Variants in ALPK2 observed in about 807,000 individuals in gnomAD.
ALPK2 encodes alpha-protein kinase 2.
In ALPK2, 127 loss-of-function variants were observed where a neutral mutation model predicts 163.1. The ratio of observed to expected loss-of-function variants is 0.78; its 90% CI spans 0.67 to 0.90. The LOEUF is 0.90. ALPK2 is among the 40% of genes least tolerant of loss of function. The probability of loss-of-function intolerance (pLI) is 0.00; values close to 1 mark genes in which losing one functional copy is unlikely to be tolerated. For missense variants in ALPK2, 2,360 were observed against 2,589.6 expected, an observed-to-expected ratio of 0.91 and a Z score of 1.92; for synonymous variants, 953 against 959.1, an observed-to-expected ratio of 0.99 and a Z score of 0.12.
chr18:58,501,905 T>C (rs7234237), intron 11 of ALPK2, among the ~76,000 whole-genome samples: 57 of 152,298 alleles, frequency 3.7e-4, no homozygotes, highest in African/African-American at 1.3e-3. Context: ...GTTTTGATAA[T>C]GTACTATAGT....
chr18:58,499,203 C>T (rs936120024), intron 11 of ALPK2, among the ~76,000 whole-genome samples: 1 of 152,174 alleles, frequency 6.6e-6, no homozygotes, highest in Non-Finnish European at 1.5e-5. Flanking sequence ...GAACAGCTAC[C>T]TGAGCTTCCC....
In ALPK2 at chr18:58,537,598, A is replaced by G; in HGVS notation, c.2589T>C (p.Phe863=). The G allele has an allele frequency of 6.2e-7, 1 of 1,613,804 alleles. No homozygotes were observed. The highest frequency in any genetic ancestry group is 1.1e-5 in the South Asian group (1 of 91,072). Residue 863 remains phenylalanine, a synonymous_variant, in exon 5 of 13, where the codon TTT becomes TTC. Coordinates refer to ENST00000361673, the MANE Select transcript of ALPK2 (RefSeq NM_052947.4). ...CSSNDKTLEV[F]FQTQVSETSV... ...AAGTCTCAGACACTTGTGTCTGAAA[A>G]AAGACTTCCAGTGTCTTGTCATTAG...
chr18:58,617,956 A>G (rs532814412), intron 1 of ALPK2, among the ~76,000 whole-genome samples: 21 of 152,134 alleles, frequency 1.4e-4, no homozygotes, highest in Non-Finnish European at 3.1e-4. Context: ...ACATCCTAGT[A>G]CATGCTTCCT....
chr18:58,537,430 G>T lies in ALPK2; in HGVS notation c.2757C>A (p.Tyr919Ter). The change falls in exon 5 of 13, where the codon TAC becomes TAA. Residue 919 changes from tyrosine (Y) to a stop codon, truncating the protein, a stop_gained. Transcript: ENST00000361673. LOFTEE classifies it high-confidence loss of function. Reference sequence around the variant, plus strand: ...CAGCATGTACTGTGGAGGCCAGTGGGTAGGTGGAATTCTCCACCTTGGCTA... The same window carrying T: ...CAGCATGTACTGTGGAGGCCAGTGGTTAGGTGGAATTCTCCACCTTGGCTA... ...ENLAKVENST[Y>*]PLASTVHAGQ... 6.2e-7 allele frequency: 1 copy of T among 1,613,382 alleles called. No homozygotes were observed. Among genetic ancestry groups the T allele is most frequent in the Non-Finnish European group, 8.5e-7 (1 of 1,179,470 alleles).
chr18:58,565,036 T>C (rs749790502), intron 4 of ALPK2, among the ~76,000 whole-genome samples: 1 of 152,208 alleles, frequency 6.6e-6, no homozygotes, highest in Non-Finnish European at 1.5e-5. Flanking sequence ...CATATACTAC[T>C]ATGGAATGGT....
Position 58,607,418 on chromosome 18 carries a change from G to C in ALPK2, c.131C>G (p.Thr44Ser), listed in dbSNP as rs2052103888. 1 of 1,612,064 alleles carries C rather than the reference G, an allele frequency of 6.2e-7. No individual in the cohort carries two copies. Among genetic ancestry groups the C allele is most frequent in the East Asian group, 2.2e-5 (1 of 44,802 alleles). ...GATGGCCTGACCATTCTTATACCAAGTTACCTCTGGCTTGGGCTGACCTGA... is the reference window on the plus strand; with the variant it reads ...GATGGCCTGACCATTCTTATACCAACTTACCTCTGGCTTGGGCTGACCTGA... ...IISGQPKPEV[T>S]WYKNGQAIDG... The change falls in exon 3 of 13, where the codon ACT (threonine) becomes AGT (serine). Residue 44 changes from threonine (T) to serine (S), a missense_variant. Coordinates refer to ENST00000361673, the MANE Select transcript of ALPK2 (RefSeq NM_052947.4).
intron 12 of ALPK2, among the ~76,000 whole-genome samples, chr18:58,497,472 T>C (rs546457724): frequency 6.6e-6 from 1 of 152,308 alleles, no homozygotes; most frequent in Non-Finnish European, 1.5e-5. Context: ...CATAGCATCA[T>C]CTGTGTGTGC....
intron 1 of ALPK2, among the ~76,000 whole-genome samples, chr18:58,622,733 A>G (rs2052208467): frequency 6.6e-6 from 1 of 152,126 alleles, no homozygotes; most frequent in African/African-American, 2.4e-5. Flanking sequence ...CATCACAAAC[A>G]TTTCACAGTA....
chr18:58,551,320 T>C (rs2051759077), intron 4 of ALPK2, among the ~76,000 whole-genome samples: 1 of 152,150 alleles, frequency 6.6e-6, no homozygotes, highest in South Asian at 2.1e-4. Flanking sequence ...CTCTTCCAGC[T>C]TCTGGTGGCT....
chr18:58,594,384 T>G (rs1484949690), intron 3 of ALPK2, among the ~76,000 whole-genome samples: 1 of 152,198 alleles, frequency 6.6e-6, no homozygotes, highest in Non-Finnish European at 1.5e-5. Flanking sequence ...AGAAACAATT[T>G]CCACCCCCAG....
intron 12 of ALPK2, among the ~76,000 whole-genome samples, chr18:58,483,753 C>T (rs1846554275): frequency 6.8e-6 from 1 of 147,492 alleles, no homozygotes; most frequent in Non-Finnish European, 1.5e-5. Flanking sequence ...TAAGTAGAGA[C>T]AGGGCTTCAC....
At chr18:58,506,850 C>T (rs1448746780) in intron 10 of ALPK2, among the ~76,000 whole-genome samples, 1 of 152,170 alleles carries the variant, frequency 6.6e-6, no homozygotes, top group East Asian at 1.9e-4. Context: ...TAGCCGCCTC[C>T]CTGGCTTCTA....
intron 12 of ALPK2, among the ~76,000 whole-genome samples, chr18:58,492,675 C>T (rs571922566): frequency 4.6e-5 from 7 of 152,180 alleles, no homozygotes; most frequent in African/African-American, 7.2e-5. Flanking sequence ...GGATGACAAG[C>T]GATGCAGCAC....
chr18:58,580,794 A>G, intron 3 of ALPK2: 1 of 520,268 alleles, frequency 1.9e-6, no homozygotes, highest in African/African-American at 1.9e-5. Flanking sequence ...CTCAAATGGA[A>G]AATGCTGAGG....
chr18:58,568,060 G>A (rs1344956363), intron 4 of ALPK2, among the ~76,000 whole-genome samples: 1 of 152,170 alleles, frequency 6.6e-6, no homozygotes, highest in African/African-American at 2.4e-5. Context: ...TCCCTGGGCA[G>A]TCCAAGTGAG....
chr18:58,568,933 G>C (rs1295826248), intron 4 of ALPK2, among the ~76,000 whole-genome samples: 1 of 152,164 alleles, frequency 6.6e-6, no homozygotes, highest in African/African-American at 2.4e-5. Context: ...GAAGTTACAG[G>C]CTGGGCACAG....
At chr18:58,625,619 G>A (rs2052225615) in intron 1 of ALPK2, among the ~76,000 whole-genome samples, 1 of 152,212 alleles carries the variant, frequency 6.6e-6, no homozygotes, top group African/African-American at 2.4e-5. Flanking sequence ...AGAACCGCTG[G>A]ACTCAGGAAG....
At chr18:58,564,123 C>CT (rs10689097) in intron 4 of ALPK2, among the ~76,000 whole-genome samples, 17,320 of 102,516 alleles carry the variant, frequency 0.17, 2,704 homozygotes, top group East Asian at 0.55. Context: ...TGTCTTTGTT[C>CT]TTTTTTTTTT....
At chr18:58,557,743 A>C (rs2051802364) in intron 4 of ALPK2, among the ~76,000 whole-genome samples, 1 of 151,462 alleles carries the variant, frequency 6.6e-6, no homozygotes, top group African/African-American at 2.4e-5. Context: ...TTGTCATTGG[A>C]TCAGCTGTAA....
Sources: allele counts gnomAD v4.1 joint callset (sites outside exome capture counted in the v4.1 genomes callset), GRCh38; gene constraint gnomAD v4.1.1; transcripts MANE v1.5; gene names NCBI Gene and HGNC (gene_info 2026-07-23, HGNC 2026-07-21).